UGT1A7: variants seen among roughly 807,000 people sequenced by gnomAD.
UGT1A7 encodes the protein UDP glucuronosyltransferase family 1 member A7, also known as UDP-glucuronosyltransferase 1A7.
In UGT1A7, 33 loss-of-function variants were observed where a neutral mutation model predicts 45.6. The observed-to-expected ratio is 0.72, with a 90% CI of 0.55 to 0.97. The LOEUF (loss-of-function observed/expected upper bound fraction) is 0.97. Among genes scored for constraint, UGT1A7 ranks in the 50% least tolerant of loss-of-function variants. UGT1A7 has a pLI of 0.00. For missense variants in UGT1A7, 684 were observed against 666.2 expected (o/e 1.03, Z -0.29); for synonymous variants, 274 against 250.6 (o/e 1.09, Z -0.88).
chr2:233,689,167 T>C (rs1483008187), intron 1 of UGT1A7, among the ~76,000 whole-genome samples: 1 of 152,216 alleles, frequency 6.6e-6, no homozygotes, highest in African/African-American at 2.4e-5. Flanking sequence ...CCTTATCTTC[T>C]ACTAGGACAG....
intron 1 of UGT1A7, chr2:233,718,673 G>A (rs1477051570): frequency 1.3e-5 from 21 of 1,556,176 alleles, no homozygotes; most frequent in Non-Finnish European, 1.7e-5. Flanking sequence ...AGATTAATGG[G>A]TAATAAGTAA....
intron 1 of UGT1A7, among the ~76,000 whole-genome samples, chr2:233,721,033 A>G (rs1484813936): frequency 6.6e-6 from 1 of 152,106 alleles, no homozygotes; most frequent in Non-Finnish European, 1.5e-5. Flanking sequence ...TTCTTGTGAG[A>G]GAATTGAGCC....
chr2:233,743,946 C>T, intron 1 of UGT1A7: 1 of 1,349,798 alleles, frequency 7.4e-7, no homozygotes, highest in South Asian at 1.2e-5. Flanking sequence ...CCACCAGGCA[C>T]TGGCACAGCG....
At chr2:233,764,343 C>T (rs1313396621) in intron 1 of UGT1A7, among the ~76,000 whole-genome samples, 1 of 152,116 alleles carries the variant, frequency 6.6e-6, no homozygotes. Context: ...TGGACTTCAC[C>T]TTTATTGAGC....
intron 1 of UGT1A7, chr2:233,713,136 C>A (rs41270755): frequency 6.2e-7 from 1 of 1,614,170 alleles, no homozygotes; most frequent in East Asian, 2.2e-5. Context: ...GGAGGCCTTG[C>A]GGGACCTCCA....
chr2:233,715,048 CT>C lies in UGT1A7; in HGVS notation c.855+32265del, dbSNP rs900393425. On this transcript the variant is annotated intron_variant, in intron 1 of 4. Transcript: ENST00000373426. The stretch of plus-strand genomic sequence containing the variant: ...CATGGCACCACATCCAGCTAATTTT[CT>C]TTTTTTTTGTATTTTTTATGGAGAT... 1.6e-3 allele frequency among the ~76,000 whole-genome samples: 238 copies of C among 151,024 alleles called. 2 individuals carry two copies. The highest frequency in any genetic ancestry group is 5.4e-3 in the African/African-American group (222 of 41,172).
intron 1 of UGT1A7, among the ~76,000 whole-genome samples, chr2:233,720,365 G>C (rs920594093): frequency 6.6e-6 from 1 of 152,064 alleles, no homozygotes; most frequent in East Asian, 1.9e-4. Context: ...ATGTCAAAAG[G>C]GTCTTCTACT....
rs756280025 is a variant in UGT1A7, at chr2:233,723,536, T to TAA, written c.855+40745_855+40746dup. 2.4e-4 allele frequency among the ~76,000 whole-genome samples: 29 copies of TAA among 121,476 alleles called. 1 individual carries two copies. Among genetic ancestry groups the TAA allele is most frequent in the South Asian group, 1.3e-3 (4 of 3,196 alleles). The allele number at this position is 121,476 out of a possible 152,430, so 79.7% of individuals were successfully genotyped here. ...ACAATCTTTTTTTTTTTTTTTTTTTTAATTTATTTTTTTATTGATAATTCT... is the reference window on the plus strand; with the variant it reads ...ACAATCTTTTTTTTTTTTTTTTTTTTAAAATTTATTTTTTTATTGATAATTCT... On this transcript the variant is annotated intron_variant, in intron 1 of 4. Transcript: ENST00000373426.
intron 1 of UGT1A7, among the ~76,000 whole-genome samples, chr2:233,739,315 G>A (rs1559383204): frequency 6.6e-6 from 1 of 152,196 alleles, no homozygotes; most frequent in Non-Finnish European, 1.5e-5. Context: ...GTGGAGTTGT[G>A]AGAAGAAGGC....
chr2:233,715,892 G>A (rs1284412629), intron 1 of UGT1A7, among the ~76,000 whole-genome samples: 1 of 152,180 alleles, frequency 6.6e-6, no homozygotes, highest in African/African-American at 2.4e-5. Context: ...CAGCTACTTG[G>A]GAGGCTCAGG....
At chr2:233,711,398 T>G (rs2076179015) in intron 1 of UGT1A7, among the ~76,000 whole-genome samples, 1 of 152,210 alleles carries the variant, frequency 6.6e-6, no homozygotes, top group Non-Finnish European at 1.5e-5. Flanking sequence ...TGTTCCACCC[T>G]CACCCCGGGC....
At position 233,772,539 on chromosome 2, in the gene UGT1A7, C is replaced by T; in HGVS notation, c.1573C>T (p.His525Tyr). 1.9e-6 allele frequency: 3 copies of T among 1,614,040 alleles called. No homozygotes were observed. The East Asian group carries it at 6.7e-5, about 36-fold the overall frequency. The change falls in exon 5 of 5, where the codon CAC becomes TAC. Residue 525 changes from histidine to tyrosine, a missense_variant. His to Tyr is a moderately conservative substitution (Grantham distance 83). Transcript: ENST00000373426. Reference protein sequence around the residue: ...LGKKGRVKKAHKSKTH With the variant: ...LGKKGRVKKAYKSKTH ...GAAAAAAGGGCGAGTTAAGAAAGCC[C>T]ACAAATCCAAGACCCATTGAGAAGT...
chr2:233,727,163 C>T (rs1212217788), intron 1 of UGT1A7, among the ~76,000 whole-genome samples: 2 of 152,150 alleles, frequency 1.3e-5, no homozygotes, highest in Non-Finnish European at 2.9e-5. Flanking sequence ...TTTCAGGATG[C>T]TTTTTTCTGT....
intron 1 of UGT1A7, chr2:233,743,656 G>T (rs528527073): frequency 7.3e-7 from 1 of 1,367,266 alleles, no homozygotes; most frequent in Admixed American, 1.9e-5. Flanking sequence ...AGACGTACTC[G>T]AAGGGGTCCT....
chr2:233,727,363 C>T (rs2077609679), intron 1 of UGT1A7, among the ~76,000 whole-genome samples: 1 of 152,076 alleles, frequency 6.6e-6, no homozygotes, highest in Non-Finnish European at 1.5e-5. Flanking sequence ...TCCTTAGGGC[C>T]CCTAGGTCTC....
intron 1 of UGT1A7, among the ~76,000 whole-genome samples, chr2:233,763,949 C>T (rs1698436640): frequency 6.6e-6 from 1 of 152,024 alleles, no homozygotes; most frequent in African/African-American, 2.4e-5. Flanking sequence ...AGCTTGGGAG[C>T]AGGGAAGGTT....
At chr2:233,768,463 T>C (rs372004705) in intron 4 of UGT1A7, 24 bp downstream of exon 4, 2 of 1,607,816 alleles carry the variant, frequency 1.2e-6, no homozygotes, top group African/African-American at 2.7e-5. Flanking sequence ...TACAGAAGAA[T>C]ACTTTGGTCA....
intron 1 of UGT1A7, among the ~76,000 whole-genome samples, chr2:233,728,932 CTTTT>C (rs1221733039): frequency 0.032 from 4,912 of 152,202 alleles, 256 homozygotes; most frequent in African/African-American, 0.11. Context: ...CATGATCGGT[CTTTT>C]CCAGGGTGGG....
intron 1 of UGT1A7, among the ~76,000 whole-genome samples, chr2:233,724,264 C>G (rs1250827727): frequency 2.6e-5 from 3 of 116,548 alleles, no homozygotes; most frequent in Non-Finnish European, 3.6e-5. Context: ...ACCTCCCGGA[C>G]GGGGCGGCTG....
Sources: gnomAD v4.1 joint callset for allele counts (sites outside exome capture counted in the v4.1 genomes callset) on GRCh38, gnomAD v4.1.1 for gene constraint, MANE v1.5 for transcripts, NCBI Gene and HGNC (gene_info 2026-07-23, HGNC 2026-07-21) for gene names.